Variants in ENPP5 observed in about 807,000 individuals in gnomAD.
ENPP5 encodes E-NPP 5.
Under a neutral mutation model 33.7 loss-of-function variants are expected in ENPP5, and 27 were observed. The ratio of observed to expected loss-of-function variants is 0.80; its 90% CI spans 0.59 to 1.11. The LOEUF (loss-of-function observed/expected upper bound fraction) is 1.11. ENPP5 is among the 50% of genes least tolerant of loss of function. The pLI, the probability that ENPP5 is intolerant of heterozygous loss-of-function variation, is 0.00. For missense variants in ENPP5, 552 were observed against 579.2 expected (o/e 0.95, Z 0.48); for synonymous variants, 199 against 200.5 (o/e 0.99, Z 0.06).
Position 46,165,713 on chromosome 6 carries a change from G to T in ENPP5, c.830-150C>A, listed in dbSNP as rs781780600. 2.4e-4 allele frequency: 134 copies of T among 553,236 alleles called. 1 individual carries two copies. The highest frequency in any genetic ancestry group is 6.4e-5 in the Non-Finnish European group (21 of 326,904). The allele number at this position is 553,236 out of a possible 1,614,324, so 34.3% of individuals were successfully genotyped here. ...CTTGGGGAAAACAATTTTGGGAGGGGAAACTAGGAAATAATCTTCTGTTGT... is the reference window on the plus strand; with the variant it reads ...CTTGGGGAAAACAATTTTGGGAGGGTAAACTAGGAAATAATCTTCTGTTGT... On this transcript the variant is annotated intron_variant, in intron 3 of 4. Coordinates refer to ENST00000371383, the MANE Select transcript of ENPP5 (RefSeq NM_001290072.2).
At chr6:46,166,269 T>A (rs1271919980) in intron 3 of ENPP5, among the ~76,000 whole-genome samples, 2 of 148,418 alleles carry the variant, frequency 1.3e-5, no homozygotes, top group Non-Finnish European at 3.0e-5. Context: ...TCCCTCTCTC[T>A]CTCTCTTTCC....
Position 46,167,658 on chromosome 6 carries a change from G to T in ENPP5, c.605C>A (p.Pro202Gln). The T allele has an allele frequency of 6.2e-7, 1 of 1,614,060 alleles. No individual in the cohort carries two copies. Among genetic ancestry groups the T allele is most frequent in the Non-Finnish European group, 8.5e-7 (1 of 1,179,964 alleles). ...ATCTGAAATGACAGGCCCCATGAGC[G>T]GACTGTCAGGTCCCAAATGGTGGCC... ...DMGHHLGPDSPLMGPVISDID... is the reference protein window; with the variant it reads ...DMGHHLGPDSQLMGPVISDID... The change falls in exon 3 of 5, where the codon CCG (proline) becomes CAG (glutamine). Residue 202 changes from proline (P) to glutamine (Q), a missense_variant. By Grantham distance (76) the Pro-to-Gln change is moderately conservative. Coordinates refer to ENST00000371383, the MANE Select transcript of ENPP5 (RefSeq NM_001290072.2).
intron 2 of ENPP5, among the ~76,000 whole-genome samples, chr6:46,169,343 C>A (rs1427870544): frequency 6.6e-6 from 1 of 151,228 alleles, no homozygotes; most frequent in African/African-American, 2.4e-5. Flanking sequence ...CACACTTGTA[C>A]AAATAAATCT....
chr6:46,164,557 A>C (rs1764479406), intron 4 of ENPP5, among the ~76,000 whole-genome samples: 1 of 152,200 alleles, frequency 6.6e-6, no homozygotes, highest in South Asian at 2.1e-4. Context: ...ACTGTAGTTC[A>C]GCAAACCATT....
chr6:46,169,448 G>C (rs1179123517), intron 2 of ENPP5, among the ~76,000 whole-genome samples: 1 of 150,242 alleles, frequency 6.7e-6, no homozygotes, highest in African/African-American at 2.5e-5. Flanking sequence ...GCTGGTGTGC[G>C]GTGGCACGAT....
Position 46,161,400 on chromosome 6 carries a change from G to A in ENPP5, c.1360C>T (p.His454Tyr). Residue 454 changes from histidine to tyrosine, a missense_variant, in exon 5 of 5, where the codon CAT becomes TAT. By Grantham distance (83) the His-to-Tyr change is moderately conservative. Coordinates refer to ENST00000371383, the MANE Select transcript of ENPP5 (RefSeq NM_001290072.2). ...GCAGGTATTTGACTGTGAATTAAAT[G>A]CTTAATGAAAATTACAAAAAATACA... ...VIVFFVIFIKHLIHSQIPALQ... is the reference protein window; with the variant it reads ...VIVFFVIFIKYLIHSQIPALQ... The A allele has an allele frequency of 1.2e-6, 2 of 1,613,536 alleles. No homozygotes were observed. The highest frequency in any genetic ancestry group is 1.7e-4 in the Middle Eastern group (1 of 6,040).
chr6:46,167,662 T>G lies in ENPP5; in HGVS notation c.601A>C (p.Ser201Arg). ...DDMGHHLGPD[S>R]PLMGPVISDI... is the part of the protein sequence containing the mutation. ...GAAATGACAGGCCCCATGAGCGGAC[T>G]GTCAGGTCCCAAATGGTGGCCCATG... Residue 201 changes from serine (S) to arginine (R), a missense_variant, in exon 3 of 5, where the codon AGT (serine) becomes CGT (arginine). Transcript: ENST00000371383. 1.2e-6 allele frequency: 2 copies of G among 1,614,176 alleles called. No individual in the cohort carries two copies. Among genetic ancestry groups the G allele is most frequent in the Non-Finnish European group, 1.7e-6 (2 of 1,179,986 alleles).
intron 3 of ENPP5, among the ~76,000 whole-genome samples, chr6:46,167,206 C>A (rs561165747): frequency 4.3e-4 from 65 of 152,092 alleles, no homozygotes; most frequent in African/African-American, 1.4e-3. Context: ...TACTGCCATA[C>A]ATACATAGAG....
intron 3 of ENPP5, among the ~76,000 whole-genome samples, chr6:46,166,261 CCT>C (rs145539887): frequency 5.6e-4 from 82 of 147,282 alleles, no homozygotes; most frequent in Middle Eastern, 3.4e-3. Flanking sequence ...CTCTTCCCTC[CCT>C]CTCTCTCTCT....
chr6:46,168,021 G>T lies in ENPP5; in HGVS notation c.242C>A (p.Thr81Asn), dbSNP rs1764607872. Residue 81 changes from threonine (T) to asparagine (N), a missense_variant, in exon 3 of 5, where the codon ACT becomes AAT. Thr to Asn is a moderately conservative substitution (Grantham distance 65). Transcript: ENST00000371383. ...KTYPNHYTLV[T>N]GLFAENHGIV... is the part of the protein sequence containing the mutation. ...CCCATGATTCTCTGCAAAGAGGCCA[G>T]TTACCAAAGTATAATGGTTAGGGTA... The T allele has an allele frequency of 6.2e-7, 1 of 1,614,128 alleles. No individual in the cohort carries two copies. Among genetic ancestry groups the T allele is most frequent in the Non-Finnish European group, 8.5e-7 (1 of 1,179,996 alleles).
chr6:46,168,803 C>T (rs1475876694), intron 2 of ENPP5, among the ~76,000 whole-genome samples: 5 of 151,594 alleles, frequency 3.3e-5, no homozygotes, highest in Admixed American at 1.3e-4. Context: ...TATTTTCAAC[C>T]CCTATGTTTG....
chr6:46,167,425 C>A lies in ENPP5; in HGVS notation c.829+9G>T. 1 of 1,569,592 alleles carries A rather than the reference C, an allele frequency of 6.4e-7. No individual in the cohort carries two copies. The highest frequency in any genetic ancestry group is 1.1e-5 in the South Asian group (1 of 88,946). ...AGTCTCAGCTCACCATTCATTCAGTCAGCCTTACCTTCTTTTGGCAAGATG... is the reference window on the plus strand; with the variant it reads ...AGTCTCAGCTCACCATTCATTCAGTAAGCCTTACCTTCTTTTGGCAAGATG... On this transcript the variant is annotated intron_variant, in intron 3 of 4. Coordinates refer to ENST00000371383, the MANE Select transcript of ENPP5 (RefSeq NM_001290072.2).
chr6:46,166,144 A>T (rs1415194405), intron 3 of ENPP5, among the ~76,000 whole-genome samples: 3 of 152,040 alleles, frequency 2.0e-5, no homozygotes, highest in Admixed American at 6.6e-5. Flanking sequence ...TTCCAATTTT[A>T]TAAAGGAAAT....
chr6:46,169,012 T>C (rs3806993), intron 2 of ENPP5, among the ~76,000 whole-genome samples: 20,343 of 152,178 alleles, frequency 0.13, 1,830 homozygotes, highest in South Asian at 0.33. Context: ...AATATAATTC[T>C]GAAATTTGTT....
chr6:46,167,806 GA>G lies in ENPP5; in HGVS notation c.456del (p.His153IlefsTer28). On this transcript the variant is annotated frameshift_variant, in exon 3 of 5. Coordinates refer to ENST00000371383, the MANE Select transcript of ENPP5 (RefSeq NM_001290072.2). LOFTEE classifies it high-confidence loss of function. ...ACTGACTCATTGTAAGGCATGTAAT[GA>G]GTAGGAAAGCGCTTATGTATTTTTA... ...TDVKIHKRFP[T>X]HYMPYNESVS... 1 of 1,614,090 alleles carries G rather than the reference GA, an allele frequency of 6.2e-7. No homozygotes were observed. The highest frequency in any genetic ancestry group is 8.5e-7 in the Non-Finnish European group (1 of 1,179,980).
intron 4 of ENPP5, among the ~76,000 whole-genome samples, chr6:46,163,486 G>T (rs529826703): frequency 6.6e-6 from 1 of 150,934 alleles, no homozygotes; most frequent in Non-Finnish European, 1.5e-5. Flanking sequence ...TTGTTCTTGC[G>T]ATAGTTTACT....
intron 3 of ENPP5, 141 bp from the exon 4 acceptor site, chr6:46,165,704 T>G: frequency 1.7e-6 from 1 of 585,886 alleles, no homozygotes; most frequent in Non-Finnish European, 2.8e-6. Flanking sequence ...GAAAACAATT[T>G]TGGGAGGGGA....
chr6:46,169,394 CTT>C (rs58296228), intron 2 of ENPP5, among the ~76,000 whole-genome samples: 240 of 138,714 alleles, frequency 1.7e-3, no homozygotes, highest in Middle Eastern at 3.6e-3. Context: ...CTGAAGACTT[CTT>C]TTTTTTTTTT....
At position 46,160,835 on chromosome 6, in the gene ENPP5, C is replaced by T. The variant is rs2295016; in HGVS notation, c.*491G>A. ...CTCAATTTATGGAGATAGATTTCTA[C>T]GTTCATTATTCGGGATTATTAGAAA... On this transcript the variant is annotated 3_prime_UTR_variant, in exon 5 of 5. Coordinates refer to ENST00000371383, the MANE Select transcript of ENPP5 (RefSeq NM_001290072.2). 0.31 allele frequency: 47,755 copies of T among 155,008 alleles called. 7,881 individuals are homozygous for T. Among genetic ancestry groups the T allele is most frequent in the Middle Eastern group, 0.42 (123 of 294 alleles). 9.6% of individuals were successfully genotyped at this position (155,008 alleles called of 1,614,324 possible). A position where few individuals can be genotyped will look rare whatever the true frequency, so the allele number is the denominator to read the frequency against.
Sources: gnomAD v4.1 joint callset for allele counts (sites outside exome capture counted in the v4.1 genomes callset) on GRCh38, gnomAD v4.1.1 for gene constraint, MANE v1.5 for transcripts, NCBI Gene and HGNC (gene_info 2026-07-23, HGNC 2026-07-21) for gene names.